PRDM15: variants seen among roughly 807,000 people sequenced by gnomAD.
PRDM15 encodes PR domain zinc finger protein 15.
In PRDM15, 64 loss-of-function variants were observed where a neutral mutation model predicts 128.6. The ratio of observed to expected loss-of-function variants is 0.50; its 90% CI spans 0.41 to 0.61. PRDM15 has a LOEUF of 0.61. Among genes scored for constraint, PRDM15 ranks in the 20% least tolerant of loss-of-function variants. The pLI, the probability that PRDM15 is intolerant of heterozygous loss-of-function variation, is 0.00. For synonymous variants in PRDM15, 615 were observed against 621.8 expected (o/e 0.99, Z 0.16); for missense variants, 1,242 against 1,569.1 (o/e 0.79, Z 3.52).
Position 41,847,182 on chromosome 21 carries a change from G to A in PRDM15, c.548C>T (p.Thr183Ile), listed in dbSNP as rs756765796. 5 of 1,551,982 alleles carry A rather than the reference G, an allele frequency of 3.2e-6. No homozygotes were observed. Among genetic ancestry groups the A allele is most frequent in the Non-Finnish European group, 4.4e-6 (5 of 1,146,984 alleles). ...CTCCACGGGGGCGCTGTTTTCTGGG[G>A]TGCCTGCAGCTTCAAAAGACATGAG... ...QAGSGVHAAG[T>I]PENSAPVESE... is the part of the protein sequence containing the mutation. The change falls in exon 6 of 24, where the codon ACC becomes ATC. Residue 183 changes from threonine (T) to isoleucine (I), a missense_variant. By Grantham distance (89) the Thr-to-Ile change is moderately conservative. Around this residue, in one of 3 missense-constraint regions of PRDM15, gnomAD observed 612 missense variants for 717.0 expected, o/e 0.85. Transcript: ENST00000398548.
intron 18 of PRDM15, among the ~76,000 whole-genome samples, chr21:41,817,991 G>A (rs1305234397): frequency 6.6e-6 from 1 of 152,252 alleles, no homozygotes; most frequent in Non-Finnish European, 1.5e-5. Flanking sequence ...GGCATCTGGT[G>A]GCATTTGGGG....
chr21:41,868,282 A>T (rs1379276570), intron 1 of PRDM15, among the ~76,000 whole-genome samples: 3 of 152,222 alleles, frequency 2.0e-5, no homozygotes, highest in Non-Finnish European at 4.4e-5. Context: ...TTACAAATAA[A>T]GCTGTTAGGA....
intron 13 of PRDM15, among the ~76,000 whole-genome samples, chr21:41,824,131 C>T (rs28501228): frequency 2.0e-5 from 3 of 152,016 alleles, no homozygotes; most frequent in African/African-American, 7.3e-5. Flanking sequence ...CCAGCGGCCA[C>T]GTAATCCGGG....
chr21:41,826,808 G>C (rs933230339), intron 12 of PRDM15, among the ~76,000 whole-genome samples: 2 of 152,166 alleles, frequency 1.3e-5, no homozygotes, highest in Admixed American at 6.5e-5. Flanking sequence ...CTGAGGCGCA[G>C]CTTAGACTAA....
Position 41,828,207 on chromosome 21 carries a change from C to A in PRDM15, c.1493G>T (p.Arg498Leu), listed in dbSNP as rs756946493. 1.2e-6 allele frequency: 2 copies of A among 1,613,910 alleles called. No individual in the cohort carries two copies. Among genetic ancestry groups the A allele is most frequent in the Non-Finnish European group, 1.7e-6 (2 of 1,179,976 alleles). Reference protein sequence around the residue: ...ACEVCSKMFYRKDVMLDHQRR... With the variant: ...ACEVCSKMFYLKDVMLDHQRR... Reference sequence around the variant, plus strand: ...CTGGTGGTCCAGCATGACGTCCTTGCGGTAGAACATCTTGCTGCAGACCTC... The same window carrying A: ...CTGGTGGTCCAGCATGACGTCCTTGAGGTAGAACATCTTGCTGCAGACCTC... The change falls in exon 12 of 24, where the codon CGC becomes CTC. Residue 498 changes from arginine (R) to leucine (L), a missense_variant. Physicochemically the swap from Arg to Leu is moderately radical, Grantham distance 102 (BLOSUM62 -2). Around this residue, in one of 3 missense-constraint regions of PRDM15, gnomAD observed 612 missense variants for 717.0 expected, o/e 0.85. Coordinates refer to ENST00000398548, the MANE Select transcript of PRDM15 (RefSeq NM_001040424.3). The surrounding 1 kb of genome is among the most constrained non-coding windows in gnomAD (Gnocchi z 5.7).
rs73903566 is a variant in PRDM15, at chr21:41,816,970, G to A, written c.2261-1134C>T. ...ACTTCCCTCTTCCTGCTTCTAAAAT[G>A]AACATATTCCAAATTTCAAAACTAA... On this transcript the variant is annotated intron_variant, in intron 18 of 23. Coordinates refer to ENST00000398548, the MANE Select transcript of PRDM15 (RefSeq NM_001040424.3). Among the ~76,000 whole-genome samples the A allele has an allele frequency of 2.2e-3, 334 of 150,742 alleles. 3 individuals are homozygous for A. The highest frequency in any genetic ancestry group is 7.8e-3 in the African/African-American group (320 of 41,090).
rs1372866795 is a variant in PRDM15 at position 41,800,674 on chromosome 21, A to G, written c.*566T>C. The G allele has an allele frequency of 1.3e-5, 2 of 152,216 alleles. No individual in the cohort carries two copies. Among genetic ancestry groups the G allele is most frequent in the Admixed American group, 6.6e-5 (1 of 15,260 alleles). 9.4% of individuals were successfully genotyped at this position (152,216 alleles called of 1,614,324 possible). A position where few individuals can be genotyped will look rare whatever the true frequency, so the allele number is the denominator to read the frequency against. On this transcript the variant is annotated 3_prime_UTR_variant, in exon 24 of 24. Coordinates refer to ENST00000398548, the MANE Select transcript of PRDM15 (RefSeq NM_001040424.3). ...TCAGCACGCCTCATGGTTTCAGCCC[A>G]TAGTTGTATAAGAACCGACTCCACT...
intron 21 of PRDM15, among the ~76,000 whole-genome samples, chr21:41,808,680 T>C (rs1392230201): frequency 6.6e-6 from 1 of 152,238 alleles, no homozygotes; most frequent in African/African-American, 2.4e-5. Context: ...TAAGTGAGTA[T>C]TATATATACA....
At chr21:41,847,024 A>G in intron 6 of PRDM15, 66 bp downstream of exon 6, 1 of 1,052,108 alleles carries the variant, frequency 9.5e-7, no homozygotes, top group Non-Finnish European at 1.4e-6. Flanking sequence ...GACAGGTGAC[A>G]GCGTAAGTCA....
intron 1 of PRDM15, among the ~76,000 whole-genome samples, chr21:41,863,998 C>T (rs1044030957): frequency 3.9e-5 from 6 of 152,172 alleles, no homozygotes; most frequent in Admixed American, 6.5e-5. Flanking sequence ...CACGTGCCAC[C>T]ACACCCAGCT....
chr21:41,847,527 G>A (rs2063304071), intron 5 of PRDM15, among the ~76,000 whole-genome samples: 1 of 152,194 alleles, frequency 6.6e-6, no homozygotes, highest in Non-Finnish European at 1.5e-5. Context: ...CATGAGAAAA[G>A]TGCATTCCTC....
At chr21:41,825,538 G>A (rs1361529630) in intron 13 of PRDM15, among the ~76,000 whole-genome samples, 1 of 152,216 alleles carries the variant, frequency 6.6e-6, no homozygotes, top group African/African-American at 2.4e-5. Context: ...CTTACAGAAC[G>A]CCAGCCATCC....
In PRDM15 at chr21:41,833,878, G is replaced by A. The variant is rs187841043; in HGVS notation, c.1366+1559C>T. On this transcript the variant is annotated intron_variant, in intron 11 of 23. Transcript: ENST00000398548. ...TCAACCTTGAGTCTGCCTCACCAGA[G>A]CGCCTTAGCTGGTAGCATCACTCTT... is the stretch of plus-strand genomic sequence containing the variant. Among the ~76,000 whole-genome samples the A allele has an allele frequency of 2.3e-3, 356 of 152,326 alleles. 1 individual carries two copies. The highest frequency in any genetic ancestry group is 4.5e-3 in the Non-Finnish European group (308 of 68,026).
chr21:41,801,220 CG>C lies in PRDM15; in HGVS notation c.*19del. The C allele has an allele frequency of 6.6e-7, 1 of 1,508,032 alleles. No individual in the cohort carries two copies. The highest frequency in any genetic ancestry group is 1.4e-5 in the African/African-American group (1 of 71,738). The allele number at this position is 1,508,032 out of a possible 1,614,324, so 93.4% of individuals were successfully genotyped here. On this transcript the variant is annotated 3_prime_UTR_variant, in exon 24 of 24. Transcript: ENST00000398548. ...AAACATCCCTCTGCAGTTCTTGCCCCGAGTCTCCCGGAACGCAGCTCAGTAG... is the reference window on the plus strand; with the variant it reads ...AAACATCCCTCTGCAGTTCTTGCCCCAGTCTCCCGGAACGCAGCTCAGTAG...
intron 14 of PRDM15, 107 bp downstream of exon 14, chr21:41,823,211 C>T (rs568226484): frequency 3.0e-4 from 429 of 1,410,040 alleles, no homozygotes; most frequent in South Asian, 5.3e-4. Flanking sequence ...ACATGTCTGC[C>T]CAGAAGCTGC....
rs761001816 is a variant in PRDM15 at position 41,859,109 on chromosome 21, C to T, written c.131+483G>A. 6.2e-7 allele frequency: 1 copy of T among 1,604,044 alleles called. No individual in the cohort carries two copies. Among genetic ancestry groups the T allele is most frequent in the Non-Finnish European group, 8.5e-7 (1 of 1,176,426 alleles). On this transcript the variant is annotated intron_variant, in intron 3 of 23. Coordinates refer to ENST00000398548, the MANE Select transcript of PRDM15 (RefSeq NM_001040424.3). This position sits in a 1 kb window ranked among gnomAD's most constrained non-coding sequence, Gnocchi z 5.3. ...GGGCAGCTGCTGCCCACTGAGCCGC[C>T]TCACCAGGCCTGCAGGGACTGCTTC...
Position 41,811,039 on chromosome 21 carries a change from A to T in PRDM15, c.2393-203T>A. 1 of 540,796 alleles carries T rather than the reference A, an allele frequency of 1.8e-6. No homozygotes were observed. Among genetic ancestry groups the T allele is most frequent in the Non-Finnish European group, 3.3e-6 (1 of 299,884 alleles). The allele number at this position is 540,796 out of a possible 1,614,324, so 33.5% of individuals were successfully genotyped here. A position where few individuals can be genotyped will look rare whatever the true frequency, so the allele number is the denominator to read the frequency against. On this transcript the variant is annotated intron_variant, in intron 19 of 23. Coordinates refer to ENST00000398548, the MANE Select transcript of PRDM15 (RefSeq NM_001040424.3). The surrounding 1 kb of genome is among the most constrained non-coding windows in gnomAD (Gnocchi z 4.1). The stretch of plus-strand genomic sequence containing the variant: ...GGAAAGTTTATGCTTCCATAGTGAC[A>T]TTTCATATCAAAAAAACATGAGATG...
At chr21:41,836,313 G>A (rs573496372) in intron 9 of PRDM15, 106 bp from the exon 10 acceptor site, 38 of 1,314,384 alleles carry the variant, frequency 2.9e-5, no homozygotes, top group South Asian at 1.7e-4. Context: ...CCCACCATGC[G>A]AAGGAGCTGC....
intron 6 of PRDM15, among the ~76,000 whole-genome samples, chr21:41,846,671 T>C (rs931495811): frequency 1.3e-5 from 2 of 152,214 alleles, no homozygotes; most frequent in African/African-American, 4.8e-5. Flanking sequence ...CACTCCAGCC[T>C]GGACAACAGA....
Sources: gnomAD v4.1 joint callset for allele counts (sites outside exome capture counted in the v4.1 genomes callset) on GRCh38, gnomAD v4.1.1 for gene constraint, gnomAD v4.1.1 regional missense constraint, Gnocchi (gnomAD v3.1) non-coding constraint, MANE v1.5 for transcripts, NCBI Gene and HGNC (gene_info 2026-07-23, HGNC 2026-07-21) for gene names.